Variants in PRKG1 observed in about 807,000 individuals in gnomAD.
The protein encoded by PRKG1 is protein kinase cGMP-dependent 1.
A neutral mutation model predicts 88.1 loss-of-function variants in PRKG1; 35 were observed. The observed-to-expected ratio is 0.40, with a 90% CI of 0.30 to 0.53. The LOEUF is 0.53. Ranked by LOEUF, PRKG1 falls within the 20% of genes least tolerant of loss-of-function variation. The pLI is 0.59. For synonymous variants in PRKG1, 303 were observed against 292.5 expected, an observed-to-expected ratio of 1.04 and a Z score of -0.37; for missense variants, 540 against 839.8, an observed-to-expected ratio of 0.64 and a Z score of 4.41.
chr10:51,693,044 T>C (rs992222528), intron 3 of PRKG1, among the ~76,000 whole-genome samples: 1 of 152,094 alleles, frequency 6.6e-6, no homozygotes, highest in Non-Finnish European at 1.5e-5. Context: ...CCCAGCACTT[T>C]GGGAGGGCCA....
chr10:52,244,856 A>T (rs1281280548), intron 9 of PRKG1, among the ~76,000 whole-genome samples: 1 of 77,456 alleles, frequency 1.3e-5, no homozygotes, highest in Non-Finnish European at 2.5e-5. Context: ...AAATATTTTT[A>T]TATATTTAAA....
chr10:51,854,709 G>A (rs1016655489), intron 4 of PRKG1, among the ~76,000 whole-genome samples: 1 of 152,182 alleles, frequency 6.6e-6, no homozygotes, highest in African/African-American at 2.4e-5. Flanking sequence ...CTAGGAGGAT[G>A]TACACCAAAC....
chr10:51,181,245 T>TC (rs1250835758), intron 2 of PRKG1, among the ~76,000 whole-genome samples: 1 of 137,686 alleles, frequency 7.3e-6, no homozygotes, highest in Non-Finnish European at 1.6e-5. Flanking sequence ...TTTTTTTTTT[T>TC]TTTTTTTGAG....
intron 1 of PRKG1, among the ~76,000 whole-genome samples, chr10:51,019,202 AAATAT>A (rs1174170190): frequency 6.6e-6 from 1 of 152,176 alleles, no homozygotes; most frequent in Non-Finnish European, 1.5e-5. Context: ...GAAAAGTATA[AAATAT>A]AATATTATAG....
At chr10:52,037,320 G>T (rs1312395438) in intron 5 of PRKG1, among the ~76,000 whole-genome samples, 1 of 152,226 alleles carries the variant, frequency 6.6e-6, no homozygotes, top group Non-Finnish European at 1.5e-5. Context: ...GCTGGGGTTT[G>T]TCTCACAGTG....
At position 52,102,752 on chromosome 10, in the gene PRKG1, C is replaced by A. The variant is rs146739501; in HGVS notation, c.936-31088C>A. Among the ~76,000 whole-genome samples the A allele has an allele frequency of 4.6e-5, 7 of 151,794 alleles. No individual in the cohort carries two copies. The East Asian group carries it at 1.4e-3, about 29-fold the overall frequency. On this transcript the variant is annotated intron_variant, in intron 7 of 17. Coordinates refer to ENST00000373980, the MANE Select transcript of PRKG1 (RefSeq NM_006258.4). Reference sequence around the variant, plus strand: ...TGTCAGACAATGAGGAAGACATAGACGCAGTGCCAGAAAACAAATTGACAT... The same window carrying A: ...TGTCAGACAATGAGGAAGACATAGAAGCAGTGCCAGAAAACAAATTGACAT...
intron 3 of PRKG1, among the ~76,000 whole-genome samples, chr10:51,626,795 G>A (rs1287122662): frequency 6.6e-6 from 1 of 152,172 alleles, no homozygotes; most frequent in Admixed American, 6.5e-5. Flanking sequence ...GTATTGCAAG[G>A]AGGGTCTCCA....
chr10:51,587,555 T>G (rs1224280572), intron 3 of PRKG1, among the ~76,000 whole-genome samples: 1 of 152,214 alleles, frequency 6.6e-6, no homozygotes, highest in African/African-American at 2.4e-5. Context: ...TACATTAATA[T>G]CTAAAAATTA....
chr10:52,052,434 A>T (rs1215660950), intron 5 of PRKG1, among the ~76,000 whole-genome samples: 1 of 151,364 alleles, frequency 6.6e-6, no homozygotes, highest in African/African-American at 2.4e-5. Flanking sequence ...AAATAATAAT[A>T]ATAATAATAA....
intron 4 of PRKG1, among the ~76,000 whole-genome samples, chr10:51,849,337 G>C (rs923845349): frequency 2.0e-5 from 3 of 152,130 alleles, no homozygotes; most frequent in Non-Finnish European, 4.4e-5. Flanking sequence ...CCTTAGAATG[G>C]TCAGCCATAA....
At chr10:52,175,369 A>G (rs950978862) in intron 9 of PRKG1, among the ~76,000 whole-genome samples, 2 of 151,958 alleles carry the variant, frequency 1.3e-5, no homozygotes, top group Admixed American at 6.6e-5. Flanking sequence ...CACATTTTCT[A>G]TATCCATTCA....
rs572255427 is a variant in PRKG1, at chr10:51,280,089, C to T, written c.478+126759C>T. ...GCCTGGTGGTGACAGAATCTCTCAG[C>T]ATTTGCTTGTCTGTAAAGGATTTTA... On this transcript the variant is annotated intron_variant, in intron 2 of 17. Transcript: ENST00000373980. Among the ~76,000 whole-genome samples the T allele has an allele frequency of 9.5e-3, 1,452 of 152,268 alleles. 22 individuals carry two copies. Among genetic ancestry groups the T allele is most frequent in the African/African-American group, 0.032 (1,347 of 41,534 alleles).
intron 3 of PRKG1, chr10:51,698,146 T>C: frequency 6.2e-7 from 1 of 1,614,116 alleles, no homozygotes; most frequent in Non-Finnish European, 8.5e-7. Context: ...TCATAGGGCC[T>C]CTTGAACTGG....
rs146865128 is a variant in PRKG1, at chr10:52,110,783, TGTC to T, written c.936-23056_936-23054del. 5.0e-3 allele frequency among the ~76,000 whole-genome samples: 757 copies of T among 152,326 alleles called. 6 individuals are homozygous for T. The highest frequency in any genetic ancestry group is 0.017 in the African/African-American group (710 of 41,566). ...TGGTACCACTTTATGATCATTCGTCTGTCATAGTCATAGCTGCCGTGTTGCTAC... is the reference window on the plus strand; with the variant it reads ...TGGTACCACTTTATGATCATTCGTCTATAGTCATAGCTGCCGTGTTGCTAC... On this transcript the variant is annotated intron_variant, in intron 7 of 17. Coordinates refer to ENST00000373980, the MANE Select transcript of PRKG1 (RefSeq NM_006258.4).
chr10:51,102,730 C>A (rs1166424118), intron 1 of PRKG1, among the ~76,000 whole-genome samples: 1 of 152,170 alleles, frequency 6.6e-6, no homozygotes, highest in African/African-American at 2.4e-5. Flanking sequence ...CAAGCCCCAT[C>A]TATGTGAACA....
intron 2 of PRKG1, among the ~76,000 whole-genome samples, chr10:51,229,939 A>AAAG (rs1838794493): frequency 1.4e-5 from 2 of 145,278 alleles, no homozygotes; most frequent in African/African-American, 5.1e-5. Context: ...AAAAAAAAAA[A>AAAG]AAAAAAAAAG....
intron 4 of PRKG1, among the ~76,000 whole-genome samples, chr10:51,889,009 T>G (rs1841644200): frequency 6.6e-6 from 1 of 151,968 alleles, no homozygotes; most frequent in Non-Finnish European, 1.5e-5. Context: ...TGCTTATTAC[T>G]TCCCATCCTG....
intron 2 of PRKG1, among the ~76,000 whole-genome samples, chr10:51,303,581 C>T (rs955342680): frequency 4.0e-5 from 6 of 151,818 alleles, no homozygotes; most frequent in African/African-American, 1.5e-4. Flanking sequence ...TAAAAATTCT[C>T]GTCTTACTGG....
intron 9 of PRKG1, among the ~76,000 whole-genome samples, chr10:52,185,760 C>T (rs543488922): frequency 6.6e-6 from 1 of 152,322 alleles, no homozygotes; most frequent in East Asian, 1.9e-4. Flanking sequence ...CGTGCACCTG[C>T]TGACTTTACA....
Sources: gnomAD v4.1 joint callset for allele counts (sites outside exome capture counted in the v4.1 genomes callset) on GRCh38, gnomAD v4.1.1 for gene constraint, MANE v1.5 for transcripts, NCBI Gene and HGNC (gene_info 2026-07-23, HGNC 2026-07-21) for gene names.